Variants in PBX1 observed in about 807,000 individuals in gnomAD.
PBX1 encodes pre-B-cell leukemia transcription factor 1.
PBX1 carries 6 observed loss-of-function variants against 53.4 expected under a neutral mutation model. That is an observed-to-expected ratio of 0.11 (90% CI 0.06 to 0.22). The LOEUF is 0.22. Among genes scored for constraint, PBX1 ranks in the 10% least tolerant of loss-of-function variants. The pLI is 1.00. For synonymous variants in PBX1, 204 were observed against 212.3 expected (o/e 0.96, Z 0.34); for missense variants, 251 against 551.4 (o/e 0.46, Z 5.46).
At chr1:164,734,572 G>A (rs954760580) in intron 2 of PBX1, among the ~76,000 whole-genome samples, 4 of 152,132 alleles carry the variant, frequency 2.6e-5, no homozygotes, top group Admixed American at 1.3e-4. Context: ...AAACATGTAT[G>A]GAGTGCCTGC....
intron 2 of PBX1, among the ~76,000 whole-genome samples, chr1:164,726,453 A>G (rs961180443): frequency 6.6e-6 from 1 of 152,334 alleles, no homozygotes; most frequent in South Asian, 2.1e-4. Flanking sequence ...TGTTTACTCA[A>G]TCATGTGGCA....
intron 2 of PBX1, among the ~76,000 whole-genome samples, chr1:164,611,560 C>T (rs1393207712): frequency 6.6e-6 from 1 of 151,938 alleles, no homozygotes; most frequent in Admixed American, 6.6e-5. Flanking sequence ...AATAATGATG[C>T]TTGTGTATAC....
At chr1:164,561,765 G>A (rs1323465327) in intron 1 of PBX1, among the ~76,000 whole-genome samples, 2 of 152,030 alleles carry the variant, frequency 1.3e-5, no homozygotes, top group Non-Finnish European at 2.9e-5. Flanking sequence ...TACAATTTTG[G>A]GATGGGGAAA....
chr1:164,806,480 TA>T (rs1669358298), intron 4 of PBX1, among the ~76,000 whole-genome samples: 1 of 152,182 alleles, frequency 6.6e-6, no homozygotes, highest in South Asian at 2.1e-4. Flanking sequence ...AGATGCCTTT[TA>T]AAAATGTTAC....
chr1:164,685,358 T>A (rs1263360658), intron 2 of PBX1, among the ~76,000 whole-genome samples: 1 of 152,230 alleles, frequency 6.6e-6, no homozygotes, highest in Non-Finnish European at 1.5e-5. Flanking sequence ...AAAATGTACT[T>A]TTTAGCCCAC....
chr1:164,637,699 G>A (rs1658864348), intron 2 of PBX1, among the ~76,000 whole-genome samples: 1 of 152,192 alleles, frequency 6.6e-6, no homozygotes, highest in Non-Finnish European at 1.5e-5. Context: ...TTCCACTGAC[G>A]TTTGGTTGGG....
At chr1:164,582,057 C>G (rs1322562705) in intron 2 of PBX1, among the ~76,000 whole-genome samples, 1 of 152,158 alleles carries the variant, frequency 6.6e-6, no homozygotes, top group East Asian at 1.9e-4. Flanking sequence ...AAGAGATTTA[C>G]TAAATAAATG....
intron 2 of PBX1, chr1:164,626,215 A>G (rs1658031457): frequency 4.1e-6 from 2 of 482,888 alleles, no homozygotes; most frequent in Non-Finnish European, 5.5e-6. Flanking sequence ...GGAACCACAC[A>G]TCTATCTTGA....
chr1:164,693,390 A>G (rs1260399802), intron 2 of PBX1, among the ~76,000 whole-genome samples: 1 of 152,238 alleles, frequency 6.6e-6, no homozygotes, highest in African/African-American at 2.4e-5. Context: ...CACTGAAAGC[A>G]CCAAAAGTTG....
chr1:164,713,505 A>G (rs1015336902), intron 2 of PBX1, among the ~76,000 whole-genome samples: 2 of 152,136 alleles, frequency 1.3e-5, no homozygotes, highest in African/African-American at 4.8e-5. Context: ...ATCTTAAAGT[A>G]CATTAGGGTT....
chr1:164,645,470 A>G (rs1182410826), intron 2 of PBX1, among the ~76,000 whole-genome samples: 1 of 151,992 alleles, frequency 6.6e-6, no homozygotes, highest in Admixed American at 6.6e-5. Context: ...CATTTCCTTG[A>G]TGAATAGGGA....
rs1654592764 is a variant in PBX1 at position 164,581,217 on chromosome 1, C to T, written c.265+17906C>T. On this transcript the variant is annotated intron_variant, in intron 2 of 8. Transcript: ENST00000420696. ...TTTTGGAAAGGCATATCCAGCAGCT[C>T]CCCGACCGCCATTTTTTTTTTTTTT... is the stretch of plus-strand genomic sequence containing the variant. Among the ~76,000 whole-genome samples the T allele has an allele frequency of 3.3e-5, 5 of 151,714 alleles. 1 individual carries two copies.
intron 2 of PBX1, among the ~76,000 whole-genome samples, chr1:164,643,245 C>T (rs1168684727): frequency 6.6e-6 from 1 of 152,122 alleles, no homozygotes; most frequent in Non-Finnish European, 1.5e-5. Flanking sequence ...AGACGCTCTC[C>T]CTACCCCCGT....
chr1:164,715,971 T>G (rs1664060239), intron 2 of PBX1, among the ~76,000 whole-genome samples: 1 of 152,082 alleles, frequency 6.6e-6, no homozygotes, highest in Non-Finnish European at 1.5e-5. Flanking sequence ...TTCAGAGAGG[T>G]CAGAATTTAA....
At chr1:164,671,180 G>A (rs1557931109) in intron 2 of PBX1, among the ~76,000 whole-genome samples, 1 of 143,352 alleles carries the variant, frequency 7.0e-6, no homozygotes, top group African/African-American at 2.8e-5. Flanking sequence ...TGCTAAGATA[G>A]CCCTTTTTTT....
At chr1:164,642,211 T>G (rs953563932) in intron 2 of PBX1, 2 of 152,220 alleles carry the variant, frequency 1.3e-5, no homozygotes, top group African/African-American at 2.4e-5. Flanking sequence ...TGCAGTTTGT[T>G]GTGACCCCGT....
chr1:164,872,701 G>C (rs1327180130), intron 2 of PBX1, among the ~76,000 whole-genome samples: 1 of 152,228 alleles, frequency 6.6e-6, no homozygotes, highest in Non-Finnish European at 1.5e-5. Context: ...TAATGGGCAA[G>C]GAGTCATATA....
chr1:164,867,037 G>GA (rs1329755616), intron 2 of PBX1, among the ~76,000 whole-genome samples: 1 of 152,176 alleles, frequency 6.6e-6, no homozygotes, highest in Non-Finnish European at 1.5e-5. Context: ...GACAGCATCA[G>GA]AAAAAGAGTC....
intron 2 of PBX1, among the ~76,000 whole-genome samples, chr1:164,717,724 C>T (rs544633933): frequency 1.3e-5 from 2 of 152,176 alleles, no homozygotes; most frequent in Middle Eastern, 3.4e-3. Flanking sequence ...ACAGGTGTGC[C>T]TTGGCTGAAG....
Sources: gnomAD v4.1 joint callset for allele counts (sites outside exome capture counted in the v4.1 genomes callset) on GRCh38, gnomAD v4.1.1 for gene constraint, MANE v1.5 for transcripts, NCBI Gene and HGNC (gene_info 2026-07-23, HGNC 2026-07-21) for gene names.